LRCH4: variants seen among roughly 807,000 people sequenced by gnomAD.
LRCH4 encodes leucine-rich repeat and calponin homology domain-containing protein 4.
In LRCH4, 56 loss-of-function variants were observed where a neutral mutation model predicts 81.2. The ratio of observed to expected loss-of-function variants is 0.69; its 90% CI spans 0.56 to 0.86. The LOEUF is 0.86. Among genes scored for constraint, LRCH4 ranks in the 40% least tolerant of loss-of-function variants. LRCH4 has a pLI of 0.00. For missense variants in LRCH4, 895 were observed against 922.8 expected, an observed-to-expected ratio of 0.97 and a Z score of 0.39; for synonymous variants, 442 against 409.7, an observed-to-expected ratio of 1.08 and a Z score of -0.95.
chr7:100,582,170 G>A lies in LRCH4; in HGVS notation c.366-3C>T, dbSNP rs906373878. On this transcript the variant is annotated splice_polypyrimidine_tract_variant and splice_region_variant and intron_variant, in intron 2 of 17. Coordinates refer to ENST00000310300, the MANE Select transcript of LRCH4 (RefSeq NM_002319.5). This position sits in a 1 kb window ranked among gnomAD's most constrained non-coding sequence, Gnocchi z 5.0. ...GCAGCAGCGACAGCTGGTTTCGGCT[G>A]TGGAAGGGAGAAAGGCAGCGGACTG... 6.2e-7 allele frequency: 1 copy of A among 1,613,564 alleles called. No individual in the cohort carries two copies. The highest frequency in any genetic ancestry group is 1.1e-5 in the South Asian group (1 of 91,058).
At chr7:100,584,320 A>T in intron 1 of LRCH4, 2 of 443,150 alleles carry the variant, frequency 4.5e-6, no homozygotes, top group Non-Finnish European at 9.1e-6. Context: ...GGCCCTGTGT[A>T]GAGAGTGGGG....
chr7:100,578,399 C>G lies in LRCH4; in HGVS notation c.848G>C (p.Cys283Ser). The change falls in exon 6 of 18, where the codon TGC becomes TCC. Residue 283 changes from cysteine to serine, a missense_variant and splice_region_variant. Cys to Ser is a moderately radical substitution (Grantham distance 112). Around this residue, in one of 3 missense-constraint regions of LRCH4, gnomAD observed 360 missense variants for 397.0 expected, o/e 0.91. Coordinates refer to ENST00000310300, the MANE Select transcript of LRCH4 (RefSeq NM_002319.5). The surrounding 1 kb of genome is among the most constrained non-coding windows in gnomAD (Gnocchi z 5.7). The stretch of plus-strand genomic sequence containing the variant: ...TCCTTCCTCCCCACCTAGGACTTAC[C>G]AGGGACTGAAACTCGGGGGCCGAGA... ...APSRPPSFSP[C>S]PAEDLFPGHR... 6.2e-7 allele frequency: 1 copy of G among 1,613,420 alleles called. No homozygotes were observed. The highest frequency in any genetic ancestry group is 8.5e-7 in the Non-Finnish European group (1 of 1,179,624).
chr7:100,583,848 T>G lies in LRCH4; in HGVS notation c.221-1389A>C. On this transcript the variant is annotated intron_variant, in intron 1 of 17. Coordinates refer to ENST00000310300, the MANE Select transcript of LRCH4 (RefSeq NM_002319.5). This position sits in a 1 kb window ranked among gnomAD's most constrained non-coding sequence, Gnocchi z 4.3. ...TGTGTGTGCATGTGGACGAAGGGGG[T>G]GGAGACCGAGTTCTCAGAGTTCTGA... The G allele has an allele frequency of 3.6e-6, 1 of 277,124 alleles. No individual in the cohort carries two copies. Among genetic ancestry groups the G allele is most frequent in the Non-Finnish European group, 7.4e-6 (1 of 135,672 alleles). The allele number at this position is 277,124 out of a possible 1,614,324, so 17.2% of individuals were successfully genotyped here. A position where few individuals can be genotyped will look rare whatever the true frequency, so the allele number is the denominator to read the frequency against.
At position 100,574,740 on chromosome 7, in the gene LRCH4, AAT is replaced by A. The variant is rs201832534; in HGVS notation, c.*365_*366del. ...CTACAAATATAGATCCTCTCTACAA[AAT>A]AGAGATAATTTAGCCCCCCCATAGC... On this transcript the variant is annotated 3_prime_UTR_variant, in exon 18 of 18. Transcript: ENST00000310300. The A allele has an allele frequency of 4.0e-3, 910 of 227,192 alleles. 7 individuals are homozygous for A. Among genetic ancestry groups the A allele is most frequent in the African/African-American group, 0.019 (844 of 44,524 alleles). 14.1% of individuals were successfully genotyped at this position (227,192 alleles called of 1,614,324 possible). A position where few individuals can be genotyped will look rare whatever the true frequency, so the allele number is the denominator to read the frequency against.
intron 1 of LRCH4, 103 bp downstream of exon 1, chr7:100,585,778 C>T (rs1801718553): frequency 7.8e-7 from 1 of 1,287,688 alleles, no homozygotes; most frequent in Admixed American, 3.1e-5. Context: ...GCAACCCTGG[C>T]CGCCAGGTGA....
In LRCH4 at chr7:100,575,467, G is replaced by A. The variant is rs1370354223; in HGVS notation, c.1855-163C>T. 2 of 821,338 alleles carry A rather than the reference G, an allele frequency of 2.4e-6. No individual in the cohort carries two copies. The highest frequency in any genetic ancestry group is 2.0e-5 in the Admixed American group (1 of 50,266). The allele number at this position is 821,338 out of a possible 1,614,324, so 50.9% of individuals were successfully genotyped here. A position where few individuals can be genotyped will look rare whatever the true frequency, so the allele number is the denominator to read the frequency against. ...GCAGTGCAGGAGGAGTGCAGGGCAG[G>A]GCATGTGCAGGACAGGTGACATGCA... On this transcript the variant is annotated intron_variant, in intron 17 of 17. Transcript: ENST00000310300. The surrounding 1 kb of genome is among the most constrained non-coding windows in gnomAD (Gnocchi z 5.3).
At chr7:100,584,756 G>A in intron 1 of LRCH4, 1 of 456,704 alleles carries the variant, frequency 2.2e-6, no homozygotes. Flanking sequence ...GGAAGAGGAT[G>A]TGTGCCAGTG....
At chr7:100,584,719 G>A (rs1397645397) in intron 1 of LRCH4, 3 of 456,522 alleles carry the variant, frequency 6.6e-6, no homozygotes, top group Admixed American at 2.3e-5. Context: ...TCAGTGGGGA[G>A]GTTTCGACTG....
Position 100,575,151 on chromosome 7 carries a change from T to C in LRCH4, c.2008A>G (p.Met670Val), listed in dbSNP as rs144934792. Residue 670 changes from methionine to valine, a missense_variant, in exon 18 of 18, where the codon ATG becomes GTG. Met to Val is a conservative substitution (Grantham distance 21, BLOSUM62 1). Around this residue, in one of 3 missense-constraint regions of LRCH4, gnomAD observed 529 missense variants for 504.9 expected, o/e 1.05. Coordinates refer to ENST00000310300, the MANE Select transcript of LRCH4 (RefSeq NM_002319.5). The surrounding 1 kb of genome is among the most constrained non-coding windows in gnomAD (Gnocchi z 5.3). ...GTGTAGGTGACATAGAGCAGCAGCA[T>C]GAGGACCACGTAGAAGACGACGAAG... is the stretch of plus-strand genomic sequence containing the variant. The part of the protein sequence containing the change: ...GGFVVFYVVL[M>V]LLLYVTYTRL... 36 of 1,613,306 alleles carry C rather than the reference T, an allele frequency of 2.2e-5. No individual in the cohort carries two copies. In the African/African-American group the frequency reaches 4.3e-4, roughly 19 times the overall value.
chr7:100,584,111 G>A (rs754362775), intron 1 of LRCH4: 12 of 456,276 alleles, frequency 2.6e-5, no homozygotes, highest in Non-Finnish European at 5.3e-5. Context: ...AAAGAGATGG[G>A]AGACGGGAGG....
At position 100,575,443 on chromosome 7, in the gene LRCH4, C is replaced by T. The variant is rs1801320608; in HGVS notation, c.1855-139G>A. On this transcript the variant is annotated intron_variant, in intron 17 of 17. Transcript: ENST00000310300. The surrounding 1 kb of genome is among the most constrained non-coding windows in gnomAD (Gnocchi z 5.3). Reference sequence around the variant, plus strand: ...GCTGACGTGCTGGGCAGGGGGAGTGCAGTGCAGGAGGAGTGCAGGGCAGGG... The same window carrying T: ...GCTGACGTGCTGGGCAGGGGGAGTGTAGTGCAGGAGGAGTGCAGGGCAGGG... 3 of 899,324 alleles carry T rather than the reference C, an allele frequency of 3.3e-6. No individual in the cohort carries two copies. The highest frequency in any genetic ancestry group is 3.3e-5 in the African/African-American group (2 of 60,782). 55.7% of individuals were successfully genotyped at this position (899,324 alleles called of 1,614,324 possible). A position where few individuals can be genotyped will look rare whatever the true frequency, so the allele number is the denominator to read the frequency against.
At position 100,575,474 on chromosome 7, in the gene LRCH4, G is replaced by A. The variant is rs779654620; in HGVS notation, c.1855-170C>T. ...AGGAGGAGTGCAGGGCAGGGCATGT[G>A]CAGGACAGGTGACATGCAGGACAAG... On this transcript the variant is annotated intron_variant, in intron 17 of 17. Coordinates refer to ENST00000310300, the MANE Select transcript of LRCH4 (RefSeq NM_002319.5). The surrounding 1 kb of genome is among the most constrained non-coding windows in gnomAD (Gnocchi z 5.3). 1.2e-6 allele frequency: 1 copy of A among 823,600 alleles called. No homozygotes were observed. Among genetic ancestry groups the A allele is most frequent in the Non-Finnish European group, 2.0e-6 (1 of 492,290 alleles). 51.0% of individuals were successfully genotyped at this position (823,600 alleles called of 1,614,324 possible). A position where few individuals can be genotyped will look rare whatever the true frequency, so the allele number is the denominator to read the frequency against.
chr7:100,585,673 G>C (rs1261517907), intron 1 of LRCH4, among the ~76,000 whole-genome samples: 1 of 152,180 alleles, frequency 6.6e-6, no homozygotes, highest in Non-Finnish European at 1.5e-5. Flanking sequence ...CGGAGGCGCA[G>C]GGCGTTCTGT....
rs764509022 is a variant in LRCH4 at position 100,577,697 on chromosome 7, G to A, written c.1083C>T (p.Val361=). The change falls in exon 9 of 18, where the codon GTC becomes GTT. Residue 361 remains valine (V), a synonymous_variant. Coordinates refer to ENST00000310300, the MANE Select transcript of LRCH4 (RefSeq NM_002319.5). The surrounding 1 kb of genome is among the most constrained non-coding windows in gnomAD (Gnocchi z 6.7). ...TGCCTCGCTCTTCATCCTCCCCGGG[G>A]ACATGGCTGTCGATGAAGTCAATCT... The part of the protein sequence containing the change: ...PVQIDFIDSH[V]PGEDEERGTV... 5 of 1,614,044 alleles carry A rather than the reference G, an allele frequency of 3.1e-6. No homozygotes were observed. The South Asian group carries it at 5.5e-5, about 18-fold the overall frequency.
At position 100,575,825 on chromosome 7, in the gene LRCH4, C is replaced by T. The variant is rs1234765157; in HGVS notation, c.1777-43G>A. 9 of 1,608,384 alleles carry T rather than the reference C, an allele frequency of 5.6e-6. No individual in the cohort carries two copies. Among genetic ancestry groups the T allele is most frequent in the Admixed American group, 5.0e-5 (3 of 59,720 alleles). On this transcript the variant is annotated intron_variant, in intron 16 of 17. Coordinates refer to ENST00000310300, the MANE Select transcript of LRCH4 (RefSeq NM_002319.5). The surrounding 1 kb of genome is among the most constrained non-coding windows in gnomAD (Gnocchi z 5.3). ...AGAAAATGTGGTAAGGGAGAGGCCACAGGCGCCCCGGCCCATCCCCCACCT... is the reference window on the plus strand; with the variant it reads ...AGAAAATGTGGTAAGGGAGAGGCCATAGGCGCCCCGGCCCATCCCCCACCT...
At chr7:100,584,118 G>A in intron 1 of LRCH4, 3 of 456,548 alleles carry the variant, frequency 6.6e-6, no homozygotes, top group South Asian at 4.6e-5. Context: ...TGGGAGACGG[G>A]AGGGGAAGGC....
intron 1 of LRCH4, chr7:100,584,798 C>G (rs1801673118): frequency 4.4e-6 from 2 of 456,498 alleles, no homozygotes; most frequent in Non-Finnish European, 8.8e-6. Flanking sequence ...GAGCAGGCAC[C>G]TGCTTAGGGA....
chr7:100,577,347 G>A lies in LRCH4; in HGVS notation c.1221C>T (p.Thr407=), dbSNP rs548446543. ...GTTCCCGCTCCTGCCACAGCTGCAA[G>A]GTGTCCGGGCGCCGCCGCTCCTCCC... ...PAGEERRRPD[T]LQLWQERERR... Residue 407 remains threonine (T), a synonymous_variant, in exon 11 of 18, where the codon ACC becomes ACT. Transcript: ENST00000310300. The surrounding 1 kb of genome is among the most constrained non-coding windows in gnomAD (Gnocchi z 6.7). 1.3e-6 allele frequency: 2 copies of A among 1,599,570 alleles called. No homozygotes were observed. Among genetic ancestry groups the A allele is most frequent in the East Asian group, 4.5e-5 (2 of 44,834 alleles).
At chr7:100,580,678 CGACAT>C (rs1203556178) in intron 4 of LRCH4, 6 of 150,816 alleles carry the variant, frequency 4.0e-5, no homozygotes, top group Admixed American at 6.6e-5. Context: ...CAGACACACA[CGACAT>C]AACACAGACA....
Sources: gnomAD v4.1 joint callset for allele counts (sites outside exome capture counted in the v4.1 genomes callset) on GRCh38, gnomAD v4.1.1 for gene constraint, gnomAD v4.1.1 regional missense constraint, Gnocchi (gnomAD v3.1) non-coding constraint, MANE v1.5 for transcripts, NCBI Gene and HGNC (gene_info 2026-07-23, HGNC 2026-07-21) for gene names.